Variants in PAK5 observed in about 807,000 individuals in gnomAD.
PAK5 encodes the protein p21 (RAC1) activated kinase 5.
PAK5 carries 16 observed loss-of-function variants against 65.9 expected under a neutral mutation model. The ratio of observed to expected loss-of-function variants is 0.24; its 90% CI spans 0.16 to 0.37. The LOEUF is 0.37. Ranked by LOEUF, PAK5 falls within the 10% of genes least tolerant of loss-of-function variation. The pLI is 1.00. For missense variants in PAK5, 785 were observed against 903.9 expected, an observed-to-expected ratio of 0.87 and a Z score of 1.69; for synonymous variants, 371 against 354.9, an observed-to-expected ratio of 1.05 and a Z score of -0.51.
chr20:9,553,634 T>C (rs1412052847), intron 7 of PAK5, among the ~76,000 whole-genome samples: 1 of 151,872 alleles, frequency 6.6e-6, no homozygotes, highest in East Asian at 1.9e-4. Flanking sequence ...GTTTTCTCAC[T>C]CAGTATAACT....
chr20:9,552,496 T>C (rs2045443990), intron 7 of PAK5, among the ~76,000 whole-genome samples: 1 of 152,212 alleles, frequency 6.6e-6, no homozygotes, highest in Non-Finnish European at 1.5e-5. Flanking sequence ...TGTGAGATAC[T>C]ATTTATTTTC....
At chr20:9,828,135 A>G (rs950207260) in intron 1 of PAK5, among the ~76,000 whole-genome samples, 1 of 152,116 alleles carries the variant, frequency 6.6e-6, no homozygotes, top group Non-Finnish European at 1.5e-5. Flanking sequence ...GCGCCCAGCC[A>G]AGTTGCAATT....
At chr20:9,617,606 A>AGTGCAGTG (rs934647683) in intron 3 of PAK5, among the ~76,000 whole-genome samples, 50 of 119,018 alleles carry the variant, frequency 4.2e-4, no homozygotes, top group African/African-American at 1.3e-3. Flanking sequence ...CCCAGGCTGG[A>AGTGCAGTG]GTGCAGTGGT....
In PAK5 at chr20:9,723,032, T is replaced by A. The variant is rs139001200; in HGVS notation, c.-161-11597A>T. Among the ~76,000 whole-genome samples the A allele has an allele frequency of 1.7e-3, 262 of 152,202 alleles. 5 individuals are homozygous for A. The highest frequency in any genetic ancestry group is 0.014 in the Admixed American group (209 of 15,282). On this transcript the variant is annotated intron_variant, in intron 1 of 9. Transcript: ENST00000353224. ...CAGGTGTGAGCCACCGTGCCTGGTG[T>A]CTGTTGGAAGATTTTATTGGTCTTA...
chr20:9,750,503 A>G (rs375665336), intron 1 of PAK5, among the ~76,000 whole-genome samples: 6 of 152,346 alleles, frequency 3.9e-5, no homozygotes, highest in African/African-American at 7.2e-5. Flanking sequence ...TTGACGAAAT[A>G]CAACTACTCA....
intron 1 of PAK5, among the ~76,000 whole-genome samples, chr20:9,743,564 T>C (rs979926032): frequency 6.6e-6 from 1 of 152,116 alleles, no homozygotes; most frequent in Non-Finnish European, 1.5e-5. Flanking sequence ...AGGGGATCTT[T>C]AGGAAGTGTA....
chr20:9,726,510 A>G (rs574524661), intron 1 of PAK5, among the ~76,000 whole-genome samples: 1 of 152,312 alleles, frequency 6.6e-6, no homozygotes, highest in South Asian at 2.1e-4. Context: ...TGAAATCCTG[A>G]TAAGAATAAG....
rs181974717 is a variant in PAK5 at position 9,610,428 on chromosome 20, G to A, written c.205-29498C>T. Among the ~76,000 whole-genome samples, 66 of 152,298 alleles carry A rather than the reference G, an allele frequency of 4.3e-4. 2 individuals carry two copies. Among genetic ancestry groups the A allele is most frequent in the African/African-American group, 1.5e-3 (61 of 41,560 alleles). On this transcript the variant is annotated intron_variant, in intron 3 of 9. Coordinates refer to ENST00000353224, the MANE Select transcript of PAK5 (RefSeq NM_177990.4). Reference sequence around the variant, plus strand: ...CTAAAACAAAACTGCTGGGCATGGGGTTTTGATGTGGTTCCATCCCATGAC... The same window carrying A: ...CTAAAACAAAACTGCTGGGCATGGGATTTTGATGTGGTTCCATCCCATGAC...
In PAK5 at chr20:9,560,770, T is replaced by C. The variant is rs548918960; in HGVS notation, c.1616+2121A>G. On this transcript the variant is annotated intron_variant, in intron 6 of 9. Coordinates refer to ENST00000353224, the MANE Select transcript of PAK5 (RefSeq NM_177990.4). ...GTTACATGATTAACATATGAAGAGC[T>C]TGATGGTGCTTGGCACTTTCCCTTC... Among the ~76,000 whole-genome samples the C allele has an allele frequency of 7.9e-5, 12 of 152,322 alleles. No individual in the cohort carries two copies. In the East Asian group the frequency reaches 2.3e-3, roughly 29 times the overall value.
At chr20:9,657,558 T>C (rs2047285725) in intron 2 of PAK5, among the ~76,000 whole-genome samples, 1 of 152,220 alleles carries the variant, frequency 6.6e-6, no homozygotes, top group Admixed American at 6.5e-5. Flanking sequence ...AACAGATTAA[T>C]TAAAATTAGT....
At chr20:9,792,158 T>C (rs1014034229) in intron 1 of PAK5, among the ~76,000 whole-genome samples, 3 of 152,156 alleles carry the variant, frequency 2.0e-5, no homozygotes, top group African/African-American at 4.8e-5. Flanking sequence ...AATAAATAAA[T>C]GAGCTAACAA....
At chr20:9,566,421 C>A (rs2045682364) in intron 4 of PAK5, 37 bp from the exon 5 acceptor site, 1 of 1,587,560 alleles carries the variant, frequency 6.3e-7, no homozygotes. Flanking sequence ...TATTCACATG[C>A]TGGATCTGAA....
chr20:9,765,184 G>C (rs1434740291), intron 1 of PAK5, among the ~76,000 whole-genome samples: 1 of 152,124 alleles, frequency 6.6e-6, no homozygotes, highest in Non-Finnish European at 1.5e-5. Context: ...ACCTGTAGTG[G>C]AGTTTGCATG....
At chr20:9,737,487 T>A (rs984133441) in intron 1 of PAK5, among the ~76,000 whole-genome samples, 6 of 152,056 alleles carry the variant, frequency 3.9e-5, no homozygotes, top group Non-Finnish European at 7.4e-5. Flanking sequence ...TCAAAATACA[T>A]AAAGCAAAAG....
chr20:9,598,333 T>C (rs2046306857), intron 3 of PAK5, among the ~76,000 whole-genome samples: 1 of 152,240 alleles, frequency 6.6e-6, no homozygotes, highest in Admixed American at 6.5e-5. Flanking sequence ...TGTATACATA[T>C]CGCACTTTCT....
intron 1 of PAK5, among the ~76,000 whole-genome samples, chr20:9,813,556 A>C (rs1386546700): frequency 6.6e-6 from 1 of 152,196 alleles, no homozygotes; most frequent in Non-Finnish European, 1.5e-5. Context: ...CGTTCATAGC[A>C]GCAGTGTTTG....
rs949538219 is a variant in PAK5, at chr20:9,838,456, G to A, written c.-162+306C>T. On this transcript the variant is annotated intron_variant, in intron 1 of 9. Coordinates refer to ENST00000353224, the MANE Select transcript of PAK5 (RefSeq NM_177990.4). The surrounding 1 kb of genome is among the most constrained non-coding windows in gnomAD (Gnocchi z 4.5). ...CAGCACGCTCTCAGGGCTGGAATCC[G>A]GGGTTCTCCTCCACGCCCTCCCGCC... Among the ~76,000 whole-genome samples the A allele has an allele frequency of 2.6e-5, 4 of 152,094 alleles. No individual in the cohort carries two copies. The highest frequency in any genetic ancestry group is 9.7e-5 in the African/African-American group (4 of 41,420).
In PAK5 at chr20:9,689,267, G is replaced by C. The variant is rs148357689; in HGVS notation, c.-12+22019C>G. ...CAGTTCTCAAACTCTGCTTCAGAAA[G>C]AGGAGGAAATAAGGATGCAGGATAA... On this transcript the variant is annotated intron_variant, in intron 2 of 9. Coordinates refer to ENST00000353224, the MANE Select transcript of PAK5 (RefSeq NM_177990.4). Among the ~76,000 whole-genome samples, 4 of 152,294 alleles carry C rather than the reference G, an allele frequency of 2.6e-5. No individual in the cohort carries two copies. The East Asian group carries it at 7.7e-4, about 29-fold the overall frequency.
intron 3 of PAK5, among the ~76,000 whole-genome samples, chr20:9,605,700 A>G (rs1223407765): frequency 1.3e-5 from 2 of 152,206 alleles, no homozygotes; most frequent in Non-Finnish European, 2.9e-5. Flanking sequence ...AGGCCAAGGC[A>G]GGCGGATCAC....
Sources: gnomAD v4.1 joint callset for allele counts (sites outside exome capture counted in the v4.1 genomes callset) on GRCh38, gnomAD v4.1.1 for gene constraint, Gnocchi (gnomAD v3.1) non-coding constraint, MANE v1.5 for transcripts, NCBI Gene and HGNC (gene_info 2026-07-23, HGNC 2026-07-21) for gene names.